The following NKAIN3 variants were observed in gnomAD, a reference collection of about 807,000 sequenced individuals.
The protein encoded by NKAIN3 is sodium/potassium transporting ATPase interacting 3, also known as sodium/potassium-transporting ATPase subunit beta-1-interacting protein 3.
In NKAIN3, 25 loss-of-function variants were observed where a neutral mutation model predicts 30.2. That is an observed-to-expected ratio of 0.83 (90% confidence interval 0.60 to 1.16). The LOEUF (loss-of-function observed/expected upper bound fraction) is 1.16, where lower values mean the gene tolerates loss of function less well. Among genes scored for constraint, NKAIN3 ranks in the 50% most tolerant of loss-of-function variants. The pLI, the probability that NKAIN3 is intolerant of heterozygous loss-of-function variation, is 0.00. For synonymous variants in NKAIN3, 91 were observed against 89.6 expected, an observed-to-expected ratio of 1.02 and a Z score of -0.09; for missense variants, 225 against 254.1, an observed-to-expected ratio of 0.89 and a Z score of 0.78.
At chr8:62,992,421 T>C (rs778777568) in intron 5 of NKAIN3, among the ~76,000 whole-genome samples, 4 of 152,080 alleles carry the variant, frequency 2.6e-5, no homozygotes, top group Admixed American at 6.5e-5. Context: ...CTACTATTCA[T>C]TTACTCCATA....
At chr8:62,729,040 C>CAAAAAAAAAAAAAAAAAAAAAAAA (rs1317282077) in intron 3 of NKAIN3, among the ~76,000 whole-genome samples, 3 of 61,196 alleles carry the variant, frequency 4.9e-5, no homozygotes, top group Non-Finnish European at 8.9e-5. Context: ...AAAAAAAAAA[C>CAAAAAAAAAAAAAAAAAAAAAAAA]AAAAAAAAAA....
At chr8:62,389,383 G>A (rs979674211) in intron 1 of NKAIN3, among the ~76,000 whole-genome samples, 3 of 152,042 alleles carry the variant, frequency 2.0e-5, no homozygotes, top group African/African-American at 7.2e-5. Flanking sequence ...GGAAAGGATT[G>A]GAAGAGCAAA....
At chr8:62,912,535 ACAAAAATATTTTTT>A (rs1412878800) in intron 4 of NKAIN3, among the ~76,000 whole-genome samples, 1 of 152,210 alleles carries the variant, frequency 6.6e-6, no homozygotes, top group African/African-American at 2.4e-5. Flanking sequence ...CTGCAGCTGT[ACAAAAATATTTTTT>A]CTTTACATCC....
At chr8:62,621,004 G>A (rs1413534280) in intron 3 of NKAIN3, among the ~76,000 whole-genome samples, 5 of 152,100 alleles carry the variant, frequency 3.3e-5, no homozygotes, top group Admixed American at 6.6e-5. Context: ...AAACTAAGAG[G>A]CCTGGTATTA....
chr8:62,619,349 T>G (rs1396717744), intron 3 of NKAIN3, among the ~76,000 whole-genome samples: 2 of 152,220 alleles, frequency 1.3e-5, no homozygotes, highest in East Asian at 3.9e-4. Flanking sequence ...CTCTGAAGCC[T>G]GTTACCTGGA....
At chr8:62,804,519 C>T (rs1448503729) in intron 4 of NKAIN3, among the ~76,000 whole-genome samples, 1 of 152,104 alleles carries the variant, frequency 6.6e-6, no homozygotes, top group Admixed American at 6.5e-5. Flanking sequence ...TAAATGTAAT[C>T]CAGCATATAA....
At chr8:62,568,811 A>G (rs764750406) in intron 1 of NKAIN3, among the ~76,000 whole-genome samples, 1 of 152,156 alleles carries the variant, frequency 6.6e-6, no homozygotes, top group Non-Finnish European at 1.5e-5. Context: ...AGATATAGGG[A>G]CTAAAACACA....
chr8:62,667,933 C>G (rs1320608226), intron 3 of NKAIN3, among the ~76,000 whole-genome samples: 1 of 152,180 alleles, frequency 6.6e-6, no homozygotes, highest in Non-Finnish European at 1.5e-5. Context: ...CACCAGGAAA[C>G]AGCTATTCCT....
intron 1 of NKAIN3, among the ~76,000 whole-genome samples, chr8:62,389,305 G>A (rs56769034): frequency 0.14 from 20,914 of 152,146 alleles, 1,739 homozygotes; most frequent in East Asian, 0.4. Flanking sequence ...CATATTCATC[G>A]CCTCAAATAT....
At chr8:62,412,691 T>C (rs1312680707) in intron 1 of NKAIN3, among the ~76,000 whole-genome samples, 1 of 150,052 alleles carries the variant, frequency 6.7e-6, no homozygotes, top group Non-Finnish European at 1.5e-5. Context: ...GGTCAGGAGT[T>C]TGAGACCAGC....
intron 1 of NKAIN3, among the ~76,000 whole-genome samples, chr8:62,549,471 A>C (rs940251098): frequency 3.3e-5 from 5 of 152,134 alleles, no homozygotes; most frequent in African/African-American, 1.2e-4. Context: ...AAAACTGAAA[A>C]ATTTAAAAAG....
At chr8:62,628,058 G>A (rs1811843340) in intron 3 of NKAIN3, among the ~76,000 whole-genome samples, 1 of 152,042 alleles carries the variant, frequency 6.6e-6, no homozygotes, top group African/African-American at 2.4e-5. Flanking sequence ...GAAGCACTAT[G>A]GGAGATCTAT....
chr8:62,632,749 C>T (rs527701236), intron 3 of NKAIN3, among the ~76,000 whole-genome samples: 7 of 152,090 alleles, frequency 4.6e-5, no homozygotes, highest in Admixed American at 2.0e-4. Flanking sequence ...GTGATCCACC[C>T]CCCTCGGCCT....
chr8:62,294,771 G>A (rs1007205886), intron 1 of NKAIN3, among the ~76,000 whole-genome samples: 1 of 152,020 alleles, frequency 6.6e-6, no homozygotes, highest in South Asian at 2.1e-4. Flanking sequence ...TCTCCAACTG[G>A]TGGGCTCTAG....
At chr8:62,790,214 C>T (rs938947341) in intron 4 of NKAIN3, among the ~76,000 whole-genome samples, 1 of 152,120 alleles carries the variant, frequency 6.6e-6, no homozygotes, top group Non-Finnish European at 1.5e-5. Context: ...ACAAAAACCA[C>T]ATGATTATCT....
intron 3 of NKAIN3, among the ~76,000 whole-genome samples, chr8:62,694,225 A>G (rs555080859): frequency 1.3e-5 from 2 of 152,246 alleles, no homozygotes; most frequent in Admixed American, 6.5e-5. Context: ...AATTCTCCTC[A>G]TTCATTCTCC....
intron 1 of NKAIN3, among the ~76,000 whole-genome samples, chr8:62,462,622 A>G (rs2351954): frequency 0.34 from 51,390 of 152,006 alleles, 9,794 homozygotes; most frequent in South Asian, 0.45. Context: ...TTTTGCCTGT[A>G]TGTTGCCTGA....
chr8:62,924,309 G>T (rs1374188053), intron 5 of NKAIN3, among the ~76,000 whole-genome samples: 7 of 152,186 alleles, frequency 4.6e-5, no homozygotes, highest in African/African-American at 1.7e-4. Context: ...AGATACGGAT[G>T]ATATATTGTG....
At chr8:62,573,000 G>A (rs903808872) in intron 1 of NKAIN3, among the ~76,000 whole-genome samples, 3 of 152,152 alleles carry the variant, frequency 2.0e-5, no homozygotes, top group Non-Finnish European at 2.9e-5. Context: ...GGGAGTATAG[G>A]TAGTTAATGC....
Sources: allele counts gnomAD v4.1 joint callset (sites outside exome capture counted in the v4.1 genomes callset), GRCh38; gene constraint gnomAD v4.1.1; transcripts MANE v1.5; gene names NCBI Gene and HGNC (gene_info 2026-07-23, HGNC 2026-07-21).